Variants in NMI observed in about 807,000 individuals in gnomAD.
The protein encoded by NMI is N-myc-interactor.
In NMI, 39 loss-of-function variants were observed where a neutral mutation model predicts 34.3. The ratio of observed to expected loss-of-function variants is 1.14; its 90% CI spans 0.88 to 1.49. The LOEUF (loss-of-function observed/expected upper bound fraction) is 1.49. NMI is among the 40% of genes most tolerant of loss of function. The pLI is 0.00. For synonymous variants in NMI, 113 were observed against 120.3 expected (o/e 0.94, Z 0.40); for missense variants, 339 against 358.1 (o/e 0.95, Z 0.43).
At chr2:151,285,386 GATAGATAGATAGATAGATAA>G (rs978350801) in intron 1 of NMI, among the ~76,000 whole-genome samples, 3 of 149,840 alleles carry the variant, frequency 2.0e-5, no homozygotes, top group African/African-American at 7.5e-5. Context: ...TAGATAGATA[GATAGATAGATAGATAGATAA>G]ATAGACAGAC....
intron 4 of NMI, 110 bp downstream of exon 4, chr2:151,278,718 T>C (rs1683332265): frequency 2.3e-6 from 2 of 853,986 alleles, no homozygotes; most frequent in Admixed American, 4.6e-5. Context: ...AGAACGTCAC[T>C]ATGAGGATAA....
chr2:151,288,649 G>A (rs1227361436), intron 1 of NMI, among the ~76,000 whole-genome samples: 1 of 152,050 alleles, frequency 6.6e-6, no homozygotes, highest in Non-Finnish European at 1.5e-5. Flanking sequence ...TTATGGCAGC[G>A]AATTAAAAAA....
chr2:151,274,344 C>CA lies in NMI; in HGVS notation c.634+1139dup, dbSNP rs773276443. 6.6e-3 allele frequency among the ~76,000 whole-genome samples: 359 copies of CA among 54,674 alleles called. 46 individuals are homozygous for CA. The highest frequency in any genetic ancestry group is 0.016 in the East Asian group (24 of 1,492). The allele number at this position is 54,674 out of a possible 152,430, so 35.9% of individuals were successfully genotyped here. Reference sequence around the variant, plus strand: ...GGCGACAGAGCAAGACTCTGTCTCACAAAAAAAAAAAAAAAAAAAAAAAAA... The same window carrying CA: ...GGCGACAGAGCAAGACTCTGTCTCACAAAAAAAAAAAAAAAAAAAAAAAAAA... On this transcript the variant is annotated intron_variant, in intron 6 of 7. Coordinates refer to ENST00000243346, the MANE Select transcript of NMI (RefSeq NM_004688.3).
intron 2 of NMI, 134 bp from the exon 3 acceptor site, chr2:151,282,177 T>C (rs1234067849): frequency 5.2e-6 from 3 of 575,028 alleles, no homozygotes; most frequent in South Asian, 2.5e-5. Flanking sequence ...AATATGACTA[T>C]GTGAATAATG....
rs182691652 is a variant in NMI at position 151,288,711 on chromosome 2, G to A, written c.-7+882C>T. 5.4e-3 allele frequency among the ~76,000 whole-genome samples: 824 copies of A among 152,236 alleles called. 3 individuals carry two copies. Among genetic ancestry groups the A allele is most frequent in the Non-Finnish European group, 9.9e-3 (673 of 68,014 alleles). On this transcript the variant is annotated intron_variant, in intron 1 of 7. Coordinates refer to ENST00000243346, the MANE Select transcript of NMI (RefSeq NM_004688.3). ...TTCCGTAATACAATCATATAACTGC[G>A]GTGCCAGGCCGTGTAGAATCGAATC...
At chr2:151,278,750 T>G in intron 4 of NMI, 78 bp downstream of exon 4, 1 of 1,061,498 alleles carries the variant, frequency 9.4e-7, no homozygotes, top group Non-Finnish European at 1.4e-6. Context: ...AGTGAAGTAA[T>G]ATTAGCGAAG....
chr2:151,277,982 G>C (rs182978977), intron 4 of NMI: 2 of 152,258 alleles, frequency 1.3e-5, no homozygotes, highest in East Asian at 3.9e-4. Flanking sequence ...TAGACTTTAA[G>C]CAAGTTAATT....
At chr2:151,286,925 T>A (rs1683510367) in intron 1 of NMI, among the ~76,000 whole-genome samples, 1 of 152,186 alleles carries the variant, frequency 6.6e-6, no homozygotes, top group Non-Finnish European at 1.5e-5. Flanking sequence ...AATAAATTTG[T>A]ATGCCATTTC....
intron 7 of NMI, among the ~76,000 whole-genome samples, chr2:151,271,286 G>T (rs1227534374): frequency 1.3e-5 from 2 of 152,206 alleles, no homozygotes; most frequent in African/African-American, 4.8e-5. Context: ...CTGGGGTAAA[G>T]ATAATGAGTT....
At chr2:151,287,319 T>TA (rs1558879039) in intron 1 of NMI, among the ~76,000 whole-genome samples, 212 of 109,978 alleles carry the variant, frequency 1.9e-3, no homozygotes, top group African/African-American at 8.6e-3. Flanking sequence ...TCTCTCTCTC[T>TA]CACACACATA....
In NMI at chr2:151,275,581, C is replaced by G; in HGVS notation, c.537G>C (p.Leu179=). The G allele has an allele frequency of 6.2e-7, 1 of 1,614,202 alleles. No homozygotes were observed. Among genetic ancestry groups the G allele is most frequent in the East Asian group, 2.2e-5 (1 of 44,882 alleles). ...REDQMRDKLE[L]SFSKSRNGGG... is the part of the protein sequence containing the mutation. ...CTCCATTTCGGGACTTTGAAAAGCTCAGCTCTAGTTTGTCTCTCATTTGAT... is the reference window on the plus strand; with the variant it reads ...CTCCATTTCGGGACTTTGAAAAGCTGAGCTCTAGTTTGTCTCTCATTTGAT... Residue 179 remains leucine (L), a synonymous_variant, in exon 6 of 8, where the codon CTG becomes CTC. Transcript: ENST00000243346.
chr2:151,271,072 A>G (rs1457030035), intron 7 of NMI, among the ~76,000 whole-genome samples, 197 bp from the exon 8 acceptor site: 11 of 152,232 alleles, frequency 7.2e-5, no homozygotes, highest in Admixed American at 7.2e-4. Context: ...TATGGAACAC[A>G]GAGGAAAGGA....
chr2:151,274,802 TG>T (rs1170200660), intron 6 of NMI, among the ~76,000 whole-genome samples: 1 of 151,780 alleles, frequency 6.6e-6, no homozygotes, highest in African/African-American at 2.4e-5. Context: ...ACTAAATGTT[TG>T]CTCTTCTGTA....
At chr2:151,278,650 G>T (rs1683331121) in intron 4 of NMI, 178 bp downstream of exon 4, 1 of 557,462 alleles carries the variant, frequency 1.8e-6, no homozygotes, top group Non-Finnish European at 3.2e-6. Flanking sequence ...CATATTCAAG[G>T]CACTTGTCTC....
At chr2:151,275,368 C>G (rs1573742678) in intron 6 of NMI, 116 bp downstream of exon 6, 8 of 928,020 alleles carry the variant, frequency 8.6e-6, no homozygotes, top group African/African-American at 8.3e-5. Context: ...TTTAAAATCC[C>G]CAATTATCAT....
intron 4 of NMI, chr2:151,277,795 G>A (rs566844824): frequency 6.6e-6 from 1 of 152,202 alleles, no homozygotes; most frequent in East Asian, 1.9e-4. Flanking sequence ...AGGAAACATG[G>A]GTTATAGACT....
intron 4 of NMI, among the ~76,000 whole-genome samples, 159 bp from the exon 5 acceptor site, chr2:151,276,023 G>A (rs1683289001): frequency 1.3e-5 from 2 of 152,084 alleles, no homozygotes; most frequent in African/African-American, 2.4e-5. Context: ...AGTGATAATG[G>A]TCTTGCTACC....
At chr2:151,284,181 C>A (rs373895656) in intron 1 of NMI, among the ~76,000 whole-genome samples, 9 of 152,246 alleles carry the variant, frequency 5.9e-5, no homozygotes, top group African/African-American at 1.7e-4. Context: ...CATGGTGAAA[C>A]CCCGTCTCTA....
At chr2:151,289,087 CA>C (rs200462564) in intron 1 of NMI, 14,527 of 144,696 alleles carry the variant, frequency 0.1, 2,333 homozygotes, top group African/African-American at 0.34. Context: ...ACTAAAAATA[CA>C]AAAAAAAAAA....
Sources: gnomAD v4.1 joint callset for allele counts (sites outside exome capture counted in the v4.1 genomes callset) on GRCh38, gnomAD v4.1.1 for gene constraint, MANE v1.5 for transcripts, NCBI Gene and HGNC (gene_info 2026-07-23, HGNC 2026-07-21) for gene names.